SLC26A9: variants seen among roughly 807,000 people sequenced by gnomAD.
The protein encoded by SLC26A9 is anion transporter/exchanger protein 9.
A neutral mutation model predicts 87.1 loss-of-function variants in SLC26A9; 46 were observed. The observed-to-expected ratio is 0.53, with a 90% confidence interval of 0.42 to 0.67. The LOEUF (loss-of-function observed/expected upper bound fraction) is 0.67. Among genes scored for constraint, SLC26A9 ranks in the 30% least tolerant of loss-of-function variants. SLC26A9 has a pLI of 0.00. For synonymous variants in SLC26A9, 437 were observed against 409.1 expected, an observed-to-expected ratio of 1.07 and a Z score of -0.82; for missense variants, 927 against 1,018.3, an observed-to-expected ratio of 0.91 and a Z score of 1.22.
chr1:205,928,012 T>C lies in SLC26A9; in HGVS notation c.991A>G (p.Lys331Glu), dbSNP rs1659152588. 2 of 1,614,060 alleles carry C rather than the reference T, an allele frequency of 1.2e-6. No individual in the cohort carries two copies. The highest frequency in any genetic ancestry group is 1.7e-6 in the Non-Finnish European group (2 of 1,179,974). The change falls in exon 9 of 21, where the codon AAG (lysine) becomes GAG (glutamate). Residue 331 changes from lysine (K) to glutamate (E), a missense_variant. Lys to Glu is a moderately conservative substitution (Grantham distance 56). Coordinates refer to ENST00000367135, the MANE Select transcript of SLC26A9 (RefSeq NM_052934.4). ...GAGAAGGCTGTGCCTATCATGTCCT[T>C]CCACTGTGAGACCACAGGCGACACC... is the stretch of plus-strand genomic sequence containing the variant. ...TPVSPVVSQWKDMIGTAFSLA... is the reference protein window; with the variant it reads ...TPVSPVVSQWEDMIGTAFSLA...
Position 205,928,019 on chromosome 1 carries a change from T to A in SLC26A9, c.984A>T (p.Ser328=), listed in dbSNP as rs1432258387. The A allele has an allele frequency of 6.2e-7, 1 of 1,614,002 alleles. No homozygotes were observed. Among genetic ancestry groups the A allele is most frequent in the South Asian group, 1.1e-5 (1 of 91,072 alleles). The change falls in exon 9 of 21, where the codon TCA becomes TCT. Residue 328 remains serine (S), a synonymous_variant. Transcript: ENST00000367135. ...GFPTPVSPVV[S]QWKDMIGTAF... ...CTGTGCCTATCATGTCCTTCCACTG[T>A]GAGACCACAGGCGACACCGGGGTGG...
At chr1:205,937,905 C>T (rs1483121499) in intron 1 of SLC26A9, among the ~76,000 whole-genome samples, 2 of 150,836 alleles carry the variant, frequency 1.3e-5, no homozygotes, top group East Asian at 1.9e-4. Context: ...AAAAAAATAG[C>T]CAAAAATTTC....
intron 9 of SLC26A9, 51 bp downstream of exon 9, chr1:205,927,846 TGCCAG>T: frequency 6.3e-7 from 1 of 1,585,272 alleles, no homozygotes; most frequent in South Asian, 1.2e-5. Flanking sequence ...AGATATGTCA[TGCCAG>T]GCCTGAGTTG....
At chr1:205,917,010 T>C (rs1487720719) in intron 20 of SLC26A9, among the ~76,000 whole-genome samples, 1 of 150,700 alleles carries the variant, frequency 6.6e-6, no homozygotes, top group Non-Finnish European at 1.5e-5. Context: ...GGAGAACCTC[T>C]GGAACCCGGG....
chr1:205,922,403 A>G (rs68189466), intron 16 of SLC26A9, among the ~76,000 whole-genome samples: 15,247 of 152,222 alleles, frequency 0.1, 971 homozygotes, highest in African/African-American at 0.17. Context: ...TCGGCCTCCT[A>G]AAGTGCTGGG....
At position 205,929,996 on chromosome 1, in the gene SLC26A9, G is replaced by A. The variant is rs1385418713; in HGVS notation, c.613C>T (p.Arg205Trp). 3 of 1,613,826 alleles carry A rather than the reference G, an allele frequency of 1.9e-6. No homozygotes were observed. The highest frequency in any genetic ancestry group is 1.7e-6 in the Non-Finnish European group (2 of 1,179,756). The change falls in exon 6 of 21, where the codon CGG becomes TGG. Residue 205 changes from arginine (R) to tryptophan (W), a missense_variant. Arg to Trp is a moderately radical substitution (Grantham distance 101, BLOSUM62 -3). Coordinates refer to ENST00000367135, the MANE Select transcript of SLC26A9 (RefSeq NM_052934.4). ...VAIYLSESFI[R>W]GFMTAAGLQI... is the part of the protein sequence containing the mutation. ...AGGCCGGCGGCCGTCATGAAGCCCC[G>A]GATGAAGGACTCGGAGAGGTAGATG...
At chr1:205,935,515 T>C (rs557834233) in intron 2 of SLC26A9, 181 bp downstream of exon 2, 4 of 902,548 alleles carry the variant, frequency 4.4e-6, no homozygotes, top group East Asian at 5.3e-5. Flanking sequence ...CTCCCCATCC[T>C]CCCTGGGGGT....
chr1:205,936,659 C>G (rs1659522682), intron 1 of SLC26A9, among the ~76,000 whole-genome samples: 1 of 152,046 alleles, frequency 6.6e-6, no homozygotes, highest in Admixed American at 6.6e-5. Flanking sequence ...CCTCCCAGAG[C>G]TGGGAGAAGT....
rs1172281672 is a variant in SLC26A9, at chr1:205,914,770, G to A, written c.*587C>T. 2.0e-5 allele frequency: 25 copies of A among 1,219,842 alleles called. No individual in the cohort carries two copies. Among genetic ancestry groups the A allele is most frequent in the African/African-American group, 4.6e-5 (3 of 65,898 alleles). The allele number at this position is 1,219,842 out of a possible 1,614,324, so 75.6% of individuals were successfully genotyped here. A position where few individuals can be genotyped will look rare whatever the true frequency, so the allele number is the denominator to read the frequency against. On this transcript the variant is annotated 3_prime_UTR_variant, in exon 21 of 21. Coordinates refer to ENST00000367135, the MANE Select transcript of SLC26A9 (RefSeq NM_052934.4). ...GCCTTGGGGATGATGGAGGGGGGGC[G>A]CATAGTTACCAAGGCCTAGACTCCT...
chr1:205,924,421 G>A lies in SLC26A9; in HGVS notation c.1458C>T (p.Val486=), dbSNP rs773803188. 1.8e-5 allele frequency: 29 copies of A among 1,614,056 alleles called. No homozygotes were observed. The highest frequency in any genetic ancestry group is 3.3e-5 in the Admixed American group (2 of 60,002). ...LSLPYGVAVG[V]AFSVLVVVFQ... is the part of the protein sequence containing the mutation. ...AGACCACGACCAGGACGGAGAAGGC[G>A]ACACCCACTGCCACACCATAGGGCA... Residue 486 remains valine, a synonymous_variant, in exon 13 of 21, where the codon GTC becomes GTT. Coordinates refer to ENST00000367135, the MANE Select transcript of SLC26A9 (RefSeq NM_052934.4).
intron 5 of SLC26A9, 147 bp from the exon 6 acceptor site, chr1:205,930,203 A>G: frequency 1.2e-6 from 1 of 811,422 alleles, no homozygotes; most frequent in Non-Finnish European, 1.8e-6. Context: ...TGTGACCTTC[A>G]CCTGCCCTTC....
At chr1:205,927,456 A>G in intron 10 of SLC26A9, 36 bp downstream of exon 10, 1 of 1,601,620 alleles carries the variant, frequency 6.2e-7, no homozygotes. Flanking sequence ...CTGTTCTCTT[A>G]CCACCTCCCC....
intron 17 of SLC26A9, among the ~76,000 whole-genome samples, 158 bp from the exon 18 acceptor site, chr1:205,920,388 T>G (rs922175007): frequency 6.6e-6 from 1 of 152,194 alleles, no homozygotes. Context: ...AGCACACCAC[T>G]TCTCCCTGGA....
At chr1:205,919,476 T>G (rs1484726111) in intron 18 of SLC26A9, among the ~76,000 whole-genome samples, 2 of 152,178 alleles carry the variant, frequency 1.3e-5, no homozygotes, top group East Asian at 3.9e-4. Context: ...TCATTGCCAC[T>G]GCAGATTCTC....
intron 11 of SLC26A9, among the ~76,000 whole-genome samples, chr1:205,926,889 G>A (rs1421228648): frequency 6.6e-6 from 1 of 152,164 alleles, no homozygotes; most frequent in Non-Finnish European, 1.5e-5. Context: ...CCTCCTAGCT[G>A]GGCTATATAA....
intron 19 of SLC26A9, among the ~76,000 whole-genome samples, chr1:205,918,573 T>G (rs1658691638): frequency 6.6e-6 from 1 of 152,178 alleles, no homozygotes; most frequent in East Asian, 1.9e-4. Context: ...TGATAAAGAA[T>G]TTTTACAATA....
chr1:205,926,435 C>G (rs540886235), intron 12 of SLC26A9, 100 bp downstream of exon 12: 1 of 961,204 alleles, frequency 1.0e-6, no homozygotes, highest in East Asian at 2.4e-5. Flanking sequence ...TAGGAAGCAG[C>G]AGACTAGAGG....
intron 12 of SLC26A9, 40 bp from the exon 13 acceptor site, chr1:205,924,529 A>G (rs773151695): frequency 9.4e-6 from 15 of 1,591,440 alleles, no homozygotes; most frequent in Middle Eastern, 1.7e-4. Context: ...CTGGGGAAAA[A>G]ACAACCTCTT....
intron 11 of SLC26A9, 74 bp downstream of exon 11, chr1:205,927,137 A>T (rs976715001): frequency 1.3e-6 from 2 of 1,504,572 alleles, no homozygotes; most frequent in Non-Finnish European, 1.8e-6. Flanking sequence ...TGGTCCGTAA[A>T]GTGCCACACA....
Sources: allele counts gnomAD v4.1 joint callset (sites outside exome capture counted in the v4.1 genomes callset), GRCh38; gene constraint gnomAD v4.1.1; transcripts MANE v1.5; gene names NCBI Gene and HGNC (gene_info 2026-07-23, HGNC 2026-07-21).